Variants in PPP2R5C observed in about 807,000 individuals in gnomAD.
PPP2R5C encodes the protein protein phosphatase 2 regulatory subunit B'gamma.
Under a neutral mutation model 68.9 loss-of-function variants are expected in PPP2R5C, and 7 were observed. The ratio of observed to expected loss-of-function variants is 0.10; its 90% confidence interval spans 0.06 to 0.19. The LOEUF is 0.19. Ranked by LOEUF, PPP2R5C falls within the 10% of genes least tolerant of loss-of-function variation. The probability of loss-of-function intolerance (pLI) is 1.00; values close to 1 mark genes in which losing one functional copy is unlikely to be tolerated. For synonymous variants in PPP2R5C, 210 were observed against 222.2 expected (o/e 0.95, Z 0.49); for missense variants, 348 against 641.3 (o/e 0.54, Z 4.94).
At chr14:101,821,251 T>A (rs1182446680) in intron 1 of PPP2R5C, among the ~76,000 whole-genome samples, 2 of 152,124 alleles carry the variant, frequency 1.3e-5, no homozygotes, top group African/African-American at 4.8e-5. Flanking sequence ...AATCTTTTTT[T>A]AAAAGCCATT....
At chr14:101,852,571 C>T (rs1167064220) in intron 1 of PPP2R5C, among the ~76,000 whole-genome samples, 1 of 148,218 alleles carries the variant, frequency 6.7e-6, no homozygotes, top group African/African-American at 2.5e-5. Context: ...CGGGTTCAAG[C>T]GATTCTCTTG....
chr14:101,765,491 C>G (rs1449204015), intron 2 of PPP2R5C: 4 of 511,052 alleles, frequency 7.8e-6, no homozygotes, highest in Admixed American at 3.3e-5. Flanking sequence ...TCTCCTCTCT[C>G]TCAGTATTAC....
intron 11 of PPP2R5C, 41 bp from the exon 14 acceptor site, chr14:101,912,360 T>TGATG: frequency 6.6e-7 from 1 of 1,522,156 alleles, no homozygotes; most frequent in East Asian, 2.4e-5. Flanking sequence ...TTCTTGTGTC[T>TGATG]GATGCATCTC....
chr14:101,873,353 A>G (rs1323800931), intron 2 of PPP2R5C, among the ~76,000 whole-genome samples: 5 of 152,178 alleles, frequency 3.3e-5, no homozygotes, highest in South Asian at 2.1e-4. Flanking sequence ...CTATATCTCT[A>G]TTCATGTTCT....
chr14:101,760,758 TGGTCGA>T, upstream of PPP2R5C: 2 of 181,506 alleles, frequency 1.1e-5, no homozygotes, highest in Non-Finnish European at 1.3e-5. Flanking sequence ...GGGGAGGGGC[TGGTCGA>T]GGGGAGGGGC....
chr14:101,794,206 A>G (rs1043439720), intron 3 of PPP2R5C, among the ~76,000 whole-genome samples: 1 of 152,164 alleles, frequency 6.6e-6, no homozygotes. Context: ...TCCTGTTCCT[A>G]TCACTTTCAC....
At position 101,784,335 on chromosome 14, in the gene PPP2R5C, T is replaced by C. The variant is rs368357947; in HGVS notation, c.94-1683T>C. Among the ~76,000 whole-genome samples, 15 of 152,286 alleles carry C rather than the reference T, an allele frequency of 9.8e-5. No individual in the cohort carries two copies. In the East Asian group the frequency reaches 1.3e-3, roughly 14 times the overall value. ...TCTCCAGGATGGAGTCTATATTAGT[T>C]CATTTTCACACAGCTATAAAAAACT... is the stretch of plus-strand genomic sequence containing the variant. On this transcript the variant is annotated intron_variant, in intron 2 of 14. Transcript: ENST00000328724.
chr14:101,810,004 C>A (rs748312635), exon 1 of PPP2R5C: 1 of 1,613,896 alleles, frequency 6.2e-7, no homozygotes, highest in Non-Finnish European at 8.5e-7. Flanking sequence ...TCCAATGGGC[C>A]TTTCCAGCCC....
At chr14:101,840,946 C>A (rs2041433469) in intron 1 of PPP2R5C, among the ~76,000 whole-genome samples, 1 of 152,128 alleles carries the variant, frequency 6.6e-6, no homozygotes, top group African/African-American at 2.4e-5. Context: ...GCTTCTGTTA[C>A]CATCAGGAGA....
In PPP2R5C at chr14:101,901,748, A is replaced by G. The variant is rs1433996718; in HGVS notation, c.882A>G (p.Pro294=). 9 of 1,613,842 alleles carry G rather than the reference A, an allele frequency of 5.6e-6. 1 individual carries two copies. The highest frequency in any genetic ancestry group is 4.4e-5 in the South Asian group (4 of 91,072). ...TGATGGCACTTCTCAAATACTGGCC[A>G]AAGACTCACAGTCCAAAAGAAGTAA... is the stretch of plus-strand genomic sequence containing the variant. Residue 294 remains proline, a synonymous_variant, in exon 9 of 14, where the codon CCA becomes CCG. Coordinates refer to ENST00000334743, the Ensembl canonical transcript of PPP2R5C.
chr14:101,865,738 G>C (rs1458613715), intron 2 of PPP2R5C, among the ~76,000 whole-genome samples: 1 of 152,156 alleles, frequency 6.6e-6, no homozygotes, highest in Non-Finnish European at 1.5e-5. Context: ...AGCTTGGGCA[G>C]CCCCCGTGAC....
chr14:101,869,814 C>T (rs920721665), intron 2 of PPP2R5C, among the ~76,000 whole-genome samples: 10 of 151,884 alleles, frequency 6.6e-5, no homozygotes, highest in African/African-American at 2.4e-4. Flanking sequence ...ATCACACCCA[C>T]CTCATTTTTG....
At chr14:101,823,498 A>G (rs994032896) in intron 1 of PPP2R5C, among the ~76,000 whole-genome samples, 4 of 152,184 alleles carry the variant, frequency 2.6e-5, no homozygotes, top group Admixed American at 6.5e-5. Context: ...TAGATACCCA[A>G]ATGAGAATAG....
intron 2 of PPP2R5C, among the ~76,000 whole-genome samples, chr14:101,782,691 C>T (rs1328429323): frequency 1.4e-4 from 1 of 7,380 alleles, no homozygotes; most frequent in Admixed American, 1.2e-3. Context: ...TCTCCCCTTC[C>T]CTCTCTCTCC....
chr14:101,849,846 G>A (rs1399868747), intron 1 of PPP2R5C, among the ~76,000 whole-genome samples: 2 of 152,296 alleles, frequency 1.3e-5, no homozygotes, highest in South Asian at 2.1e-4. Flanking sequence ...TTATGCATGA[G>A]CCTGTGTGAC....
intron 1 of PPP2R5C, among the ~76,000 whole-genome samples, chr14:101,846,000 C>A (rs932481266): frequency 1.3e-5 from 2 of 152,180 alleles, no homozygotes; most frequent in African/African-American, 4.8e-5. Context: ...CGAAATCCAC[C>A]CACACGGAGT....
chr14:101,846,156 C>G (rs985750162), intron 1 of PPP2R5C, among the ~76,000 whole-genome samples: 25 of 152,204 alleles, frequency 1.6e-4, no homozygotes, highest in African/African-American at 6.0e-4. Flanking sequence ...TTGAAGCCAG[C>G]TTGCTTCAAC....
intron 1 of PPP2R5C, among the ~76,000 whole-genome samples, chr14:101,847,272 C>T (rs1231675209): frequency 6.6e-6 from 1 of 152,172 alleles, no homozygotes; most frequent in Non-Finnish European, 1.5e-5. Flanking sequence ...AAATTATTAT[C>T]AATTGTTCTC....
intron 1 of PPP2R5C, among the ~76,000 whole-genome samples, chr14:101,846,924 C>A (rs138489323): frequency 6.6e-6 from 1 of 152,352 alleles, no homozygotes; most frequent in East Asian, 1.9e-4. Flanking sequence ...ATTTTTCTAT[C>A]AAAGCACCTC....
Sources: gnomAD v4.1 joint callset for allele counts (sites outside exome capture counted in the v4.1 genomes callset) on GRCh38, gnomAD v4.1.1 for gene constraint, MANE v1.5 for transcripts, NCBI Gene and HGNC (gene_info 2026-07-23, HGNC 2026-07-21) for gene names.